SYK: variants seen among roughly 807,000 people sequenced by gnomAD.
The protein encoded by SYK is spleen associated tyrosine kinase.
In SYK, 16 loss-of-function variants were observed where a neutral mutation model predicts 77.8. That is an observed-to-expected ratio of 0.21 (90% confidence interval 0.14 to 0.31). The LOEUF (loss-of-function observed/expected upper bound fraction) is 0.31, where lower values mean the gene tolerates loss of function less well. SYK is among the 10% of genes least tolerant of loss of function. The pLI is 1.00. For synonymous variants in SYK, 312 were observed against 308.7 expected (o/e 1.01, Z -0.11); for missense variants, 529 against 814.4 (o/e 0.65, Z 4.26).
upstream of SYK, chr9:90,801,806 G>C (rs200712879): frequency 2.0e-5 from 3 of 152,392 alleles, no homozygotes; most frequent in East Asian, 5.8e-4. Flanking sequence ...CCGCGGGCCC[G>C]GCGGCTGAGG....
At chr9:90,817,868 TGTGTGTGTGTGTGTGAGAGAGA>T (rs1825348147) in intron 1 of SYK, among the ~76,000 whole-genome samples, 1 of 42,272 alleles carries the variant, frequency 2.4e-5, no homozygotes, top group Admixed American at 3.0e-4. Flanking sequence ...TGTGTGTGTG[TGTGTGTGTGTGTGTGAGAGAGA>T]GAGAGAGAGA....
intron 3 of SYK, among the ~76,000 whole-genome samples, chr9:90,848,424 G>T (rs941574344): frequency 2.0e-5 from 3 of 152,226 alleles, no homozygotes; most frequent in African/African-American, 7.2e-5. Flanking sequence ...GGAAGTCCCA[G>T]ACCTGGTTTT....
intron 1 of SYK, among the ~76,000 whole-genome samples, chr9:90,822,158 C>G (rs183329093): frequency 4.8e-4 from 73 of 152,216 alleles, no homozygotes; most frequent in African/African-American, 1.7e-3. Context: ...TATTCTACTT[C>G]TTTTACAAAG....
chr9:90,895,410 C>T lies in SYK; in HGVS notation c.1836-118C>T, dbSNP rs1679315934. ...AGGGACCACGCTGTGAGCTGCAGGC[C>T]CTAGAGTTAGCCACCAGGGAGCAGC... On this transcript the variant is annotated intron_variant, in intron 13 of 13. Transcript: ENST00000375754. This position sits in a 1 kb window ranked among gnomAD's most constrained non-coding sequence, Gnocchi z 4.4. 2.9e-6 allele frequency: 3 copies of T among 1,046,888 alleles called. No homozygotes were observed. The highest frequency in any genetic ancestry group is 2.8e-5 in the South Asian group (2 of 72,448). 64.8% of individuals were successfully genotyped at this position (1,046,888 alleles called of 1,614,324 possible).
intron 11 of SYK, among the ~76,000 whole-genome samples, chr9:90,882,441 A>G (rs1207657675): frequency 6.6e-6 from 1 of 152,170 alleles, no homozygotes; most frequent in Non-Finnish European, 1.5e-5. Flanking sequence ...CTCCACCCCA[A>G]TGAGACCTCA....
chr9:90,864,311 A>C (rs950328130), intron 4 of SYK, among the ~76,000 whole-genome samples: 5 of 152,218 alleles, frequency 3.3e-5, no homozygotes, highest in African/African-American at 1.2e-4. Flanking sequence ...AAATAAATAA[A>C]CAAAGGACAC....
chr9:90,855,666 A>ATGTGTGTG (rs9299433), intron 3 of SYK, among the ~76,000 whole-genome samples: 3 of 149,090 alleles, frequency 2.0e-5, no homozygotes, highest in Non-Finnish European at 3.0e-5. Flanking sequence ...TTGAGTGAAT[A>ATGTGTGTG]TGTGTGTGTG....
At chr9:90,833,549 C>A (rs543150818) in intron 1 of SYK, among the ~76,000 whole-genome samples, 47 of 152,296 alleles carry the variant, frequency 3.1e-4, no homozygotes, top group Admixed American at 5.2e-4. Flanking sequence ...GGGCTCTGGA[C>A]AGCTTGTTCA....
At chr9:90,829,346 G>T (rs1467717499) in intron 1 of SYK, among the ~76,000 whole-genome samples, 1 of 151,942 alleles carries the variant, frequency 6.6e-6, no homozygotes, top group Admixed American at 6.5e-5. Context: ...TTGTCCGTAT[G>T]CCCTATTTGC....
intron 3 of SYK, among the ~76,000 whole-genome samples, chr9:90,852,965 C>T (rs1242014399): frequency 2.0e-5 from 3 of 152,130 alleles, no homozygotes; most frequent in Non-Finnish European, 2.9e-5. Flanking sequence ...CCCTCCACCA[C>T]GACACTGGGC....
At chr9:90,888,808 T>TA (rs563134340) in intron 13 of SYK, among the ~76,000 whole-genome samples, 181 bp downstream of exon 13, 2 of 152,198 alleles carry the variant, frequency 1.3e-5, no homozygotes, top group Non-Finnish European at 2.9e-5. Flanking sequence ...CCCATGCACT[T>TA]ACATGTAGTA....
At chr9:90,845,408 A>G in intron 2 of SYK, 26 bp from the exon 3 acceptor site, 9 of 1,607,152 alleles carry the variant, frequency 5.6e-6, no homozygotes, top group Non-Finnish European at 7.6e-6. Context: ...GGTATGGTTT[A>G]CTCTGCTTTG....
At position 90,861,111 on chromosome 9, in the gene SYK, C is replaced by T. The variant is rs143179951; in HGVS notation, c.579-1095C>T. Among the ~76,000 whole-genome samples, 284 of 152,246 alleles carry T rather than the reference C, an allele frequency of 1.9e-3. 6 individuals are homozygous for T. In the Middle Eastern group the frequency reaches 0.034, roughly 18 times the overall value. On this transcript the variant is annotated intron_variant, in intron 3 of 13. Coordinates refer to ENST00000375754, the MANE Select transcript of SYK (RefSeq NM_003177.7). Reference sequence around the variant, plus strand: ...GAGAATGGGGCAGTGTGTGTGACTACGAAGCTAAACTGGGGGATTCGCACC... The same window carrying T: ...GAGAATGGGGCAGTGTGTGTGACTATGAAGCTAAACTGGGGGATTCGCACC...
At position 90,884,220 on chromosome 9, in the gene SYK, T is replaced by TACAC. The variant is rs1564120108; in HGVS notation, c.1582-3528_1582-3527insCACA. Among the ~76,000 whole-genome samples, 106 of 32,932 alleles carry TACAC rather than the reference T, an allele frequency of 3.2e-3. 3 individuals carry two copies. The highest frequency in any genetic ancestry group is 0.016 in the East Asian group (14 of 856). 21.6% of individuals were successfully genotyped at this position (32,932 alleles called of 152,430 possible). ...ACACATACGTGTATATATACACGCATATACACATACACATACGTGTATATA... is the reference window on the plus strand; with the variant it reads ...ACACATACGTGTATATATACACGCATACACATACACATACACATACGTGTATATA... On this transcript the variant is annotated intron_variant, in intron 11 of 13. Coordinates refer to ENST00000375754, the MANE Select transcript of SYK (RefSeq NM_003177.7).
chr9:90,884,501 ACATG>A (rs1419512311), intron 11 of SYK, among the ~76,000 whole-genome samples: 1 of 119,502 alleles, frequency 8.4e-6, no homozygotes, highest in African/African-American at 3.2e-5. Context: ...ACATATGTGT[ACATG>A]TACATACATA....
At chr9:90,833,452 C>T (rs1825965168) in intron 1 of SYK, among the ~76,000 whole-genome samples, 1 of 152,148 alleles carries the variant, frequency 6.6e-6, no homozygotes, top group African/African-American at 2.4e-5. Flanking sequence ...TCAGGTGGGC[C>T]TATAGAGCTC....
chr9:90,876,675 G>A (rs899283207), intron 9 of SYK, among the ~76,000 whole-genome samples: 2 of 152,164 alleles, frequency 1.3e-5, no homozygotes, highest in African/African-American at 4.8e-5. Context: ...TTTGGGGAGA[G>A]GAGAGGCTCT....
chr9:90,806,397 T>C lies in SYK; in HGVS notation c.-42+4504T>C, dbSNP rs557295243. On this transcript the variant is annotated intron_variant, in intron 1 of 13. Transcript: ENST00000375754. ...ATTTGGTGTGGGACTTTTCTTTTTT[T>C]TTTTTCTTTTTCTTTTTTGTAGAGA... 3.9e-5 allele frequency among the ~76,000 whole-genome samples: 6 copies of C among 152,188 alleles called. No individual in the cohort carries two copies. In the East Asian group the frequency reaches 1.2e-3, roughly 29 times the overall value.
At chr9:90,830,583 T>A (rs899677383) in intron 1 of SYK, among the ~76,000 whole-genome samples, 1 of 66,388 alleles carries the variant, frequency 1.5e-5, no homozygotes, top group Non-Finnish European at 2.6e-5. Context: ...TCATTCCTCT[T>A]TTTTTTTTTT....
Sources: gnomAD v4.1 joint callset for allele counts (sites outside exome capture counted in the v4.1 genomes callset) on GRCh38, gnomAD v4.1.1 for gene constraint, Gnocchi (gnomAD v3.1) non-coding constraint, MANE v1.5 for transcripts, NCBI Gene and HGNC (gene_info 2026-07-23, HGNC 2026-07-21) for gene names.